Variants in CSMD1 observed in about 807,000 individuals in gnomAD.
CSMD1 encodes the protein CUB and sushi domain-containing protein 1.
CSMD1 carries 213 observed loss-of-function variants against 417.5 expected under a neutral mutation model. The observed-to-expected ratio is 0.51, with a 90% CI of 0.46 to 0.57. CSMD1 has a LOEUF of 0.57. CSMD1 is among the 20% of genes least tolerant of loss of function. The pLI, the probability that CSMD1 is intolerant of heterozygous loss-of-function variation, is 0.00. For synonymous variants in CSMD1, 2,862 were observed against 1,736.8 expected (o/e 1.65, Z -16.11); for missense variants, 6,923 against 4,529.7 (o/e 1.53, Z -15.17).
rs949036445 is a variant in CSMD1 at position 3,287,224 on chromosome 8, G to C, written c.3951-2878C>G. 2.0e-5 allele frequency among the ~76,000 whole-genome samples: 3 copies of C among 148,672 alleles called. No individual in the cohort carries two copies. In the Admixed American group the frequency reaches 2.1e-4, roughly 10 times the overall value. On this transcript the variant is annotated intron_variant, in intron 25 of 69. Coordinates refer to ENST00000635120, the MANE Select transcript of CSMD1 (RefSeq NM_033225.6). ...CTGTAGCCTTGTAGTACAGTTTGAA[G>C]TCAGGTAGGGTGATGCCTCCAGCTT...
chr8:4,631,655 T>C (rs1802522493), intron 2 of CSMD1, among the ~76,000 whole-genome samples: 1 of 152,232 alleles, frequency 6.6e-6, no homozygotes, highest in African/African-American at 2.4e-5. Context: ...TAAAAATATT[T>C]AATGCATTCA....
chr8:4,514,382 G>A (rs550388195), intron 2 of CSMD1, among the ~76,000 whole-genome samples: 3 of 152,178 alleles, frequency 2.0e-5, no homozygotes, highest in African/African-American at 7.2e-5. Flanking sequence ...GAATTTTAGG[G>A]GGACACAGGC....
intron 18 of CSMD1, 52 bp from the exon 19 acceptor site, chr8:3,369,422 C>A (rs1278955983): frequency 3.4e-6 from 3 of 874,382 alleles, no homozygotes; most frequent in Middle Eastern, 2.2e-4. Flanking sequence ...ACAATGATTG[C>A]CAGAACAAAA....
In CSMD1 at chr8:3,937,089, C is replaced by T. The variant is rs140094468; in HGVS notation, c.818+60814G>A. Among the ~76,000 whole-genome samples the T allele has an allele frequency of 5.3e-5, 8 of 152,294 alleles. No individual in the cohort carries two copies. In the East Asian group the frequency reaches 1.2e-3, roughly 22 times the overall value. On this transcript the variant is annotated intron_variant, in intron 5 of 69. Coordinates refer to ENST00000635120, the MANE Select transcript of CSMD1 (RefSeq NM_033225.6). ...CAGAATTAGAAGTAGAACTGAATTG[C>T]TGCACTGTCATAAGATCTTAATGGA...
chr8:3,524,916 G>T (rs1000716268), intron 10 of CSMD1, among the ~76,000 whole-genome samples: 1 of 151,772 alleles, frequency 6.6e-6, no homozygotes, highest in Admixed American at 6.6e-5. Context: ...TAATAAACTT[G>T]GTATCATGAA....
chr8:4,573,607 C>G (rs1798993401), intron 2 of CSMD1, among the ~76,000 whole-genome samples: 1 of 152,026 alleles, frequency 6.6e-6, no homozygotes, highest in Admixed American at 6.6e-5. Context: ...GGTCAGGGTC[C>G]CACTTGAGGG....
intron 25 of CSMD1, among the ~76,000 whole-genome samples, chr8:3,294,909 C>T (rs185301817): frequency 5.0e-4 from 76 of 152,164 alleles, no homozygotes; most frequent in East Asian, 1.7e-3. Context: ...CCGTCTTCTG[C>T]GTCATTCATG....
At chr8:3,624,716 G>C (rs1339340275) in intron 7 of CSMD1, among the ~76,000 whole-genome samples, 1 of 152,144 alleles carries the variant, frequency 6.6e-6, no homozygotes, top group East Asian at 1.9e-4. Flanking sequence ...GCCCACTCTA[G>C]GATATGTGTT....
Position 3,193,900 on chromosome 8 carries a change from T to C in CSMD1, c.5195-3785A>G, listed in dbSNP as rs189810730. Among the ~76,000 whole-genome samples the C allele has an allele frequency of 3.0e-3, 451 of 152,320 alleles. 2 individuals carry two copies. Among genetic ancestry groups the C allele is most frequent in the Middle Eastern group, 0.014 (4 of 294 alleles). On this transcript the variant is annotated intron_variant, in intron 33 of 69. Transcript: ENST00000635120. ...CTAAGCTACAGATACATGCTGCTCC[T>C]TTACTGCACCTCTGTTACAGTTGAT... is the stretch of plus-strand genomic sequence containing the variant.
intron 54 of CSMD1, among the ~76,000 whole-genome samples, chr8:2,980,814 G>T (rs986348493): frequency 6.6e-6 from 1 of 152,162 alleles, no homozygotes; most frequent in Non-Finnish European, 1.5e-5. Context: ...AGAATTGCTT[G>T]GAGGATGTGT....
At chr8:3,581,491 A>T in intron 9 of CSMD1, among the ~76,000 whole-genome samples, 1 of 152,218 alleles carries the variant, frequency 6.6e-6, no homozygotes, top group East Asian at 1.9e-4. Flanking sequence ...TCCAGATGGA[A>T]GGATCACTTC....
chr8:4,913,000 G>A (rs183723733), intron 1 of CSMD1, among the ~76,000 whole-genome samples: 1 of 152,120 alleles, frequency 6.6e-6, no homozygotes, highest in African/African-American at 2.4e-5. Flanking sequence ...TGTTGGCCAG[G>A]ATAGTCTCGA....
chr8:3,558,393 A>AAC (rs1799278713), intron 10 of CSMD1, among the ~76,000 whole-genome samples: 1 of 142,338 alleles, frequency 7.0e-6, no homozygotes, highest in Non-Finnish European at 1.5e-5. Context: ...CCCCGTGTCC[A>AAC]CTTCTCCAAT....
intron 3 of CSMD1, among the ~76,000 whole-genome samples, chr8:4,210,694 T>G (rs945972900): frequency 9.2e-5 from 14 of 152,222 alleles, no homozygotes; most frequent in African/African-American, 3.4e-4. Context: ...CCACTTCATT[T>G]TGCTCATTTA....
chr8:4,132,104 G>A (rs1019461816), intron 3 of CSMD1, among the ~76,000 whole-genome samples: 1 of 151,744 alleles, frequency 6.6e-6, no homozygotes, highest in Non-Finnish European at 1.5e-5. Flanking sequence ...ATCACATATG[G>A]ATCCCCAAAG....
chr8:3,689,222 C>A (rs1055710272), intron 7 of CSMD1, among the ~76,000 whole-genome samples: 2 of 152,192 alleles, frequency 1.3e-5, no homozygotes, highest in Non-Finnish European at 2.9e-5. Flanking sequence ...ACCTCCCCAC[C>A]TTCTAACTTA....
chr8:4,762,996 C>A (rs941532827), intron 1 of CSMD1, among the ~76,000 whole-genome samples: 1 of 152,080 alleles, frequency 6.6e-6, no homozygotes, highest in Non-Finnish European at 1.5e-5. Flanking sequence ...GATAAGGAAG[C>A]CCTCTGCAAA....
At chr8:4,058,141 C>T (rs1322899382) in intron 3 of CSMD1, among the ~76,000 whole-genome samples, 10 of 152,122 alleles carry the variant, frequency 6.6e-5, no homozygotes, top group East Asian at 1.9e-4. Context: ...GCCATTTTCA[C>T]GATATTGACT....
chr8:4,432,899 G>A (rs973036818), intron 2 of CSMD1, among the ~76,000 whole-genome samples: 1 of 152,338 alleles, frequency 6.6e-6, no homozygotes, highest in African/African-American at 2.4e-5. Flanking sequence ...CAAGGGGTGA[G>A]CAGCAGAAGC....
Sources: allele counts gnomAD v4.1 joint callset (sites outside exome capture counted in the v4.1 genomes callset), GRCh38; gene constraint gnomAD v4.1.1; transcripts MANE v1.5; gene names NCBI Gene and HGNC (gene_info 2026-07-23, HGNC 2026-07-21).